ALMS1: variants seen among roughly 807,000 people sequenced by gnomAD.
The protein encoded by ALMS1 is ALMS1 centrosome and basal body associated protein.
Under a neutral mutation model 352.2 loss-of-function variants are expected in ALMS1, and 271 were observed. That is an observed-to-expected ratio of 0.77 (90% CI 0.70 to 0.85). The LOEUF (loss-of-function observed/expected upper bound fraction) is 0.85. Ranked by LOEUF, ALMS1 falls within the 40% of genes least tolerant of loss-of-function variation. ALMS1 has a pLI of 0.00. For synonymous variants in ALMS1, 1,865 were observed against 1,761.2 expected, an observed-to-expected ratio of 1.06 and a Z score of -1.48; for missense variants, 5,445 against 4,870.7, an observed-to-expected ratio of 1.12 and a Z score of -3.51.
intron 9 of ALMS1, among the ~76,000 whole-genome samples, chr2:73,484,721 G>A (rs1269269166): frequency 3.3e-5 from 5 of 152,078 alleles, no homozygotes; most frequent in Admixed American, 6.6e-5. Flanking sequence ...CCAATCAGAC[G>A]TAGATTTGTT....
intron 9 of ALMS1, among the ~76,000 whole-genome samples, chr2:73,485,257 T>G (rs909951659): frequency 6.6e-6 from 1 of 152,238 alleles, no homozygotes; most frequent in Non-Finnish European, 1.5e-5. Context: ...GTTTTTGGTG[T>G]GGATGTCCTT....
chr2:73,472,354 T>C (rs1328318088), intron 9 of ALMS1, among the ~76,000 whole-genome samples: 2 of 152,070 alleles, frequency 1.3e-5, no homozygotes, highest in Admixed American at 6.6e-5. Context: ...AAATCTGTAA[T>C]TAAAAATATT....
Position 73,602,341 on chromosome 2 carries a change from A to T in ALMS1, c.12271A>T (p.Asn4091Tyr). ...TGACAGGGAACGGCAGGGCCACCAG[A>T]ATCGCATGTGCCCGCTGCCCAAGAG... is the stretch of plus-strand genomic sequence containing the variant. ...NIDRERQGHQ[N>Y]RMCPLPKRVF... Residue 4091 changes from asparagine (N) to tyrosine (Y), a missense_variant, in exon 20 of 23, where the codon AAT becomes TAT. By Grantham distance (143) the Asn-to-Tyr change is moderately radical. Coordinates refer to ENST00000613296, the MANE Select transcript of ALMS1 (RefSeq NM_001378454.1). 1.9e-6 allele frequency: 3 copies of T among 1,614,164 alleles called. No individual in the cohort carries two copies. Among genetic ancestry groups the T allele is most frequent in the Admixed American group, 3.3e-5 (2 of 60,020 alleles).
At chr2:73,602,417 G>T (rs1185749948) in intron 20 of ALMS1, 49 bp downstream of exon 20, 2 of 1,606,966 alleles carry the variant, frequency 1.2e-6, no homozygotes, top group African/African-American at 2.7e-5. Flanking sequence ...AGAAGGCAAG[G>T]TCTGCTGCTC....
chr2:73,502,654 A>G (rs1487417660), intron 10 of ALMS1, among the ~76,000 whole-genome samples: 2 of 152,142 alleles, frequency 1.3e-5, no homozygotes, highest in Non-Finnish European at 2.9e-5. Flanking sequence ...GGATATGATC[A>G]TACATGTTTT....
chr2:73,472,058 C>T (rs750793924), intron 9 of ALMS1, among the ~76,000 whole-genome samples: 1 of 151,946 alleles, frequency 6.6e-6, no homozygotes, highest in Non-Finnish European at 1.5e-5. Context: ...GATGACCCTG[C>T]AAGACATTAC....
At chr2:73,391,773 A>G (rs1384854954) in intron 1 of ALMS1, among the ~76,000 whole-genome samples, 3 of 152,200 alleles carry the variant, frequency 2.0e-5, no homozygotes, top group Non-Finnish European at 4.4e-5. Context: ...CAAACTTGAC[A>G]TCAATATTAT....
chr2:73,432,847 G>C (rs1671527509), intron 7 of ALMS1, among the ~76,000 whole-genome samples: 1 of 152,150 alleles, frequency 6.6e-6, no homozygotes, highest in Admixed American at 6.5e-5. Context: ...CATTCTACAT[G>C]GCAGTGTTTA....
intron 9 of ALMS1, among the ~76,000 whole-genome samples, chr2:73,480,886 G>A (rs1298789318): frequency 3.3e-5 from 5 of 149,832 alleles, no homozygotes; most frequent in African/African-American, 1.2e-4. Flanking sequence ...TTTGAGAAGT[G>A]TCTGTTCATG....
chr2:73,509,389 A>C (rs1277120107), intron 10 of ALMS1, among the ~76,000 whole-genome samples: 1 of 151,826 alleles, frequency 6.6e-6, no homozygotes, highest in East Asian at 1.9e-4. Context: ...TTTTGCAGTG[A>C]CTGGTACTGG....
chr2:73,412,563 G>A (rs1671100220), intron 2 of ALMS1, among the ~76,000 whole-genome samples: 1 of 152,142 alleles, frequency 6.6e-6, no homozygotes, highest in Admixed American at 6.5e-5. Flanking sequence ...GCCGAAGTGG[G>A]TGGATCACTT....
chr2:73,545,086 A>G (rs533785830), intron 12 of ALMS1, among the ~76,000 whole-genome samples: 1 of 152,156 alleles, frequency 6.6e-6, no homozygotes, highest in African/African-American at 2.4e-5. Flanking sequence ...GAAGATGAGT[A>G]GGTTCTGGAG....
At chr2:73,518,591 A>T (rs1558678651) in intron 10 of ALMS1, among the ~76,000 whole-genome samples, 1 of 152,314 alleles carries the variant, frequency 6.6e-6, no homozygotes, top group South Asian at 2.1e-4. Flanking sequence ...AACAGTGTAT[A>T]ACCACTCCCT....
chr2:73,462,942 C>T (rs1672240319), intron 9 of ALMS1: 1 of 152,086 alleles, frequency 6.6e-6, no homozygotes, highest in Non-Finnish European at 1.5e-5. Flanking sequence ...TACAGGAGCA[C>T]CCAGATTCAT....
chr2:73,593,043 G>C (rs1377891168), intron 16 of ALMS1, among the ~76,000 whole-genome samples: 2 of 152,040 alleles, frequency 1.3e-5, no homozygotes, highest in Admixed American at 6.6e-5. Context: ...AAATCTTTAT[G>C]TGTCAGCTCC....
At chr2:73,508,366 C>A (rs1165541982) in intron 10 of ALMS1, among the ~76,000 whole-genome samples, 1 of 151,854 alleles carries the variant, frequency 6.6e-6, no homozygotes, top group African/African-American at 2.4e-5. Flanking sequence ...CCACGCCTGG[C>A]TAATTTCTTT....
intron 10 of ALMS1, among the ~76,000 whole-genome samples, chr2:73,501,107 T>G (rs1265404319): frequency 6.6e-6 from 1 of 152,200 alleles, no homozygotes; most frequent in Non-Finnish European, 1.5e-5. Context: ...CTGAGCATCT[T>G]TTCTGTGTCT....
chr2:73,531,114 C>T (rs954862141), intron 11 of ALMS1, among the ~76,000 whole-genome samples: 7 of 152,240 alleles, frequency 4.6e-5, no homozygotes, highest in African/African-American at 1.7e-4. Flanking sequence ...TTTCTGCAGC[C>T]AGCTTGAATT....
Position 73,452,059 on chromosome 2 carries a change from C to G in ALMS1, c.5532C>G (p.Asn1844Lys). The G allele has an allele frequency of 6.2e-7, 1 of 1,613,976 alleles. No individual in the cohort carries two copies. The highest frequency in any genetic ancestry group is 8.5e-7 in the Non-Finnish European group (1 of 1,179,976). ...CAGCTGACCAGAAGACTGGAATAAA[C>G]ATCCTGCCCTCTAATTCCTACCCAC... ...PGPADQKTGINILPSNSYPQR... is the reference protein window; with the variant it reads ...PGPADQKTGIKILPSNSYPQR... The change falls in exon 8 of 23, where the codon AAC (asparagine) becomes AAG (lysine). Residue 1844 changes from asparagine (N) to lysine (K), a missense_variant. Physicochemically the swap from Asn to Lys is moderately conservative, Grantham distance 94 (BLOSUM62 0). Transcript: ENST00000613296.
Sources: gnomAD v4.1 joint callset for allele counts (sites outside exome capture counted in the v4.1 genomes callset) on GRCh38, gnomAD v4.1.1 for gene constraint, MANE v1.5 for transcripts, NCBI Gene and HGNC (gene_info 2026-07-23, HGNC 2026-07-21) for gene names.